The following SRCIN1 variants were observed in gnomAD, a reference collection of about 807,000 sequenced individuals.
SRCIN1 encodes the protein P130Cas-associated protein.
A neutral mutation model predicts 116.2 loss-of-function variants in SRCIN1; 50 were observed. The observed-to-expected ratio is 0.43, with a 90% CI of 0.34 to 0.54. SRCIN1 has a LOEUF of 0.54. SRCIN1 is among the 20% of genes least tolerant of loss of function. The probability of loss-of-function intolerance (pLI) is 0.02; values close to 1 mark genes in which losing one functional copy is unlikely to be tolerated. For synonymous variants in SRCIN1, 736 were observed against 750.0 expected, an observed-to-expected ratio of 0.98 and a Z score of 0.30; for missense variants, 1,446 against 1,672.0, an observed-to-expected ratio of 0.86 and a Z score of 2.36.
In SRCIN1 at chr17:38,563,937, G is replaced by T; in HGVS notation, c.541+181C>A. 1 of 678,114 alleles carries T rather than the reference G, an allele frequency of 1.5e-6. No homozygotes were observed. The highest frequency in any genetic ancestry group is 2.5e-6 in the Non-Finnish European group (1 of 403,466). 42.0% of individuals were successfully genotyped at this position (678,114 alleles called of 1,614,324 possible). A position where few individuals can be genotyped will look rare whatever the true frequency, so the allele number is the denominator to read the frequency against. On this transcript the variant is annotated intron_variant, in intron 4 of 18. Coordinates refer to ENST00000617146, the MANE Select transcript of SRCIN1 (RefSeq NM_025248.3). This position sits in a 1 kb window ranked among gnomAD's most constrained non-coding sequence, Gnocchi z 5.8. ...GGCTTGGAGGGAAAGGGGTCGGGTG[G>T]GGATGCTGAGGGCGAGAGAGAGATG...
chr17:38,593,825 G>A (rs931886195), intron 1 of SRCIN1, among the ~76,000 whole-genome samples: 1 of 152,078 alleles, frequency 6.6e-6, no homozygotes, highest in East Asian at 1.9e-4. Flanking sequence ...GGCTGACCCC[G>A]GTGTCCACTA....
At chr17:38,566,091 G>A (rs1000850908) in intron 3 of SRCIN1, among the ~76,000 whole-genome samples, 7 of 152,144 alleles carry the variant, frequency 4.6e-5, no homozygotes, top group African/African-American at 9.7e-5. Flanking sequence ...AGGCTAGTGC[G>A]GATGAGGGCT....
At chr17:38,557,549 T>C (rs889047336) in intron 11 of SRCIN1, among the ~76,000 whole-genome samples, 11 of 152,192 alleles carry the variant, frequency 7.2e-5, no homozygotes, top group Non-Finnish European at 1.6e-4. Flanking sequence ...GAATGGACAC[T>C]GAAAGGCAGC....
At chr17:38,581,879 C>T (rs967438173) in intron 1 of SRCIN1, among the ~76,000 whole-genome samples, 1 of 152,206 alleles carries the variant, frequency 6.6e-6, no homozygotes, top group South Asian at 2.1e-4. Context: ...AGAGGGTTGC[C>T]TCCCATAACC....
Position 38,552,317 on chromosome 17 carries a change from G to C in SRCIN1, c.2480+130C>G. The C allele has an allele frequency of 1.4e-6, 2 of 1,429,746 alleles. No individual in the cohort carries two copies. Among genetic ancestry groups the C allele is most frequent in the Non-Finnish European group, 1.9e-6 (2 of 1,074,474 alleles). 88.6% of individuals were successfully genotyped at this position (1,429,746 alleles called of 1,614,324 possible). ...TACAGCATGCAGGGGTCACAGGGCA[G>C]AGCTGAGGTGCCAGTCCAGTCGGCA... On this transcript the variant is annotated intron_variant, in intron 13 of 18. Coordinates refer to ENST00000617146, the MANE Select transcript of SRCIN1 (RefSeq NM_025248.3). This position sits in a 1 kb window ranked among gnomAD's most constrained non-coding sequence, Gnocchi z 5.3.
In SRCIN1 at chr17:38,560,597, T is replaced by C. The variant is rs188997593; in HGVS notation, c.1701-172A>G. 8.5e-5 allele frequency among the ~76,000 whole-genome samples: 13 copies of C among 152,182 alleles called. No homozygotes were observed. In the East Asian group the frequency reaches 2.5e-3, roughly 29 times the overall value. On this transcript the variant is annotated intron_variant, in intron 7 of 18. Transcript: ENST00000617146. ...TAAGGATCAAGCCCACAGCCTCCCA[T>C]CTCACCTTTCATTCCCTCCCTAAAG...
intron 1 of SRCIN1, among the ~76,000 whole-genome samples, chr17:38,587,499 A>G (rs1231529731): frequency 2.6e-5 from 4 of 152,244 alleles, no homozygotes; most frequent in Non-Finnish European, 5.9e-5. Flanking sequence ...TTTCCTAGGC[A>G]GGAAACCAAC....
intron 9 of SRCIN1, 50 bp from the exon 10 acceptor site, chr17:38,559,822 G>T (rs1309483496): frequency 1.4e-6 from 2 of 1,465,462 alleles, no homozygotes; most frequent in South Asian, 2.8e-5. Context: ...GTGAGCCTGG[G>T]AAGGACTGGG....
chr17:38,562,005 G>A lies in SRCIN1; in HGVS notation c.1158C>T (p.Gly386=). ...PDEDLASKAG[G]MVLVKGEGLY... is the part of the protein sequence containing the mutation. The stretch of plus-strand genomic sequence containing the variant: ...GGCCCTCGCCTTTCACCAGCACCAT[G>A]CCGCCCGCCTTGCTCGCCAGGTCCT... The change falls in exon 7 of 19, where the codon GGC becomes GGT. Residue 386 remains glycine (G), a synonymous_variant. Transcript: ENST00000617146. This position sits in a 1 kb window ranked among gnomAD's most constrained non-coding sequence, Gnocchi z 4.2. The A allele has an allele frequency of 2.0e-6, 3 of 1,494,318 alleles. No individual in the cohort carries two copies. In the South Asian group the frequency reaches 3.8e-5, roughly 19 times the overall value. 92.6% of individuals were successfully genotyped at this position (1,494,318 alleles called of 1,614,324 possible). A position where few individuals can be genotyped will look rare whatever the true frequency, so the allele number is the denominator to read the frequency against.
rs551285158 is a variant in SRCIN1, at chr17:38,586,216, C to T, written c.23-7425G>A. On this transcript the variant is annotated intron_variant, in intron 1 of 18. Coordinates refer to ENST00000617146, the MANE Select transcript of SRCIN1 (RefSeq NM_025248.3). Reference sequence around the variant, plus strand: ...AGTTGTCTTCAAGGAATGCCAGCTCCCCTCCCCACCAAGGGTGACAAGGAG... The same window carrying T: ...AGTTGTCTTCAAGGAATGCCAGCTCTCCTCCCCACCAAGGGTGACAAGGAG... Among the ~76,000 whole-genome samples, 13 of 152,300 alleles carry T rather than the reference C, an allele frequency of 8.5e-5. No homozygotes were observed. In the South Asian group the frequency reaches 2.5e-3, roughly 29 times the overall value.
intron 14 of SRCIN1, 152 bp downstream of exon 14, chr17:38,551,734 T>G: frequency 7.9e-7 from 1 of 1,266,880 alleles, no homozygotes; most frequent in Non-Finnish European, 1.1e-6. Context: ...AATGTCACCC[T>G]CATTATGCTT....
Position 38,563,991 on chromosome 17 carries a change from G to T in SRCIN1, c.541+127C>A. 1 of 1,088,020 alleles carries T rather than the reference G, an allele frequency of 9.2e-7. No homozygotes were observed. The highest frequency in any genetic ancestry group is 1.3e-6 in the Non-Finnish European group (1 of 757,580). 67.4% of individuals were successfully genotyped at this position (1,088,020 alleles called of 1,614,324 possible). A position where few individuals can be genotyped will look rare whatever the true frequency, so the allele number is the denominator to read the frequency against. On this transcript the variant is annotated intron_variant, in intron 4 of 18. Coordinates refer to ENST00000617146, the MANE Select transcript of SRCIN1 (RefSeq NM_025248.3). This position sits in a 1 kb window ranked among gnomAD's most constrained non-coding sequence, Gnocchi z 5.8. ...AGAGCTGGGGTTGCTTGGGGAGAAG[G>T]GGCTGTGGGAAAGAGAGCAGAGCTT...
Position 38,578,512 on chromosome 17 carries a change from T to C in SRCIN1, c.302A>G (p.Gln101Arg). The C allele has an allele frequency of 6.3e-7, 1 of 1,592,774 alleles. No homozygotes were observed. Among genetic ancestry groups the C allele is most frequent in the Non-Finnish European group, 8.6e-7 (1 of 1,163,060 alleles). ...CACCTGCTCTCGCATCCTGTCCTGC[T>C]GGCCTCGCAGGGCCAGGGCGTGCTG... The part of the protein sequence containing the change: ...YPQHALALRG[Q>R]QDRMREQPNY... Residue 101 changes from glutamine (Q) to arginine (R), a missense_variant, in exon 2 of 19, where the codon CAG (glutamine) becomes CGG (arginine). Coordinates refer to ENST00000617146, the MANE Select transcript of SRCIN1 (RefSeq NM_025248.3).
intron 18 of SRCIN1, chr17:38,543,007 A>T: frequency 2.2e-6 from 1 of 452,308 alleles, no homozygotes; most frequent in Non-Finnish European, 4.5e-6. Context: ...AAACGAGTGC[A>T]CTAAGGGTCT....
chr17:38,540,763 G>T (rs941413536), intron 18 of SRCIN1, among the ~76,000 whole-genome samples: 2 of 151,484 alleles, frequency 1.3e-5, no homozygotes, highest in Admixed American at 6.6e-5. Context: ...GTGTGTGTGT[G>T]TGTGTGTGTG....
chr17:38,599,702 A>T (rs1398711561), intron 1 of SRCIN1, among the ~76,000 whole-genome samples: 1 of 152,188 alleles, frequency 6.6e-6, no homozygotes, highest in Non-Finnish European at 1.5e-5. Context: ...GCAGGTTTCC[A>T]GCCTCCACAC....
chr17:38,548,006 C>T (rs1232717921), intron 17 of SRCIN1: 3 of 195,314 alleles, frequency 1.5e-5, no homozygotes, highest in Admixed American at 5.7e-5. Flanking sequence ...CAGCCTCACC[C>T]CTTGGTCCCT....
In SRCIN1 at chr17:38,605,678, A is replaced by T; in HGVS notation, c.22+6T>A. ...CACATTAGGGAGGAGAGAGACAGGG[A>T]CATGCCTTGGGACGGAGCGTTCCCC... On this transcript the variant is annotated splice_donor_region_variant and intron_variant, in intron 1 of 18. Coordinates refer to ENST00000617146, the MANE Select transcript of SRCIN1 (RefSeq NM_025248.3). 2 of 1,346,058 alleles carry T rather than the reference A, an allele frequency of 1.5e-6. No individual in the cohort carries two copies. Among genetic ancestry groups the T allele is most frequent in the Non-Finnish European group, 1.9e-6 (2 of 1,042,814 alleles). The allele number at this position is 1,346,058 out of a possible 1,614,324, so 83.4% of individuals were successfully genotyped here. A position where few individuals can be genotyped will look rare whatever the true frequency, so the allele number is the denominator to read the frequency against.
In SRCIN1 at chr17:38,551,805, C is replaced by T. The variant is rs753172555; in HGVS notation, c.2727+81G>A. 5 of 1,601,722 alleles carry T rather than the reference C, an allele frequency of 3.1e-6. No individual in the cohort carries two copies. The South Asian group carries it at 5.5e-5, about 18-fold the overall frequency. ...CAAGGAAAAAGACCCACAGGATTGGCACTCCCCACTCTAGGAAGGATGGTC... is the reference window on the plus strand; with the variant it reads ...CAAGGAAAAAGACCCACAGGATTGGTACTCCCCACTCTAGGAAGGATGGTC... On this transcript the variant is annotated intron_variant, in intron 14 of 18. Coordinates refer to ENST00000617146, the MANE Select transcript of SRCIN1 (RefSeq NM_025248.3).
Sources: allele counts gnomAD v4.1 joint callset (sites outside exome capture counted in the v4.1 genomes callset), GRCh38; gene constraint gnomAD v4.1.1; non-coding constraint Gnocchi (gnomAD v3.1); transcripts MANE v1.5; gene names NCBI Gene and HGNC (gene_info 2026-07-23, HGNC 2026-07-21).